ZNF862: variants seen among roughly 807,000 people sequenced by gnomAD.
The protein encoded by ZNF862 is zinc finger protein 862.
Under a neutral mutation model 91.1 loss-of-function variants are expected in ZNF862, and 64 were observed. The ratio of observed to expected loss-of-function variants is 0.70; its 90% CI spans 0.57 to 0.87. The LOEUF is 0.87. ZNF862 is among the 40% of genes least tolerant of loss of function. The pLI, the probability that ZNF862 is intolerant of heterozygous loss-of-function variation, is 0.00. For synonymous variants in ZNF862, 631 were observed against 618.1 expected, an observed-to-expected ratio of 1.02 and a Z score of -0.31; for missense variants, 1,459 against 1,528.0, an observed-to-expected ratio of 0.95 and a Z score of 0.75.
Position 149,848,099 on chromosome 7 carries a change from T to C in ZNF862, c.606T>C (p.Cys202=), listed in dbSNP as rs760907789. The C allele has an allele frequency of 6.2e-7, 1 of 1,614,046 alleles. No homozygotes were observed. ...YHAKSKAHMF[C]VNALAARDPI... is the part of the protein sequence containing the mutation. The stretch of plus-strand genomic sequence containing the variant: ...CGAAGAGCAAGGCCCACATGTTCTG[T>C]GTCAATGCCTTGGCAGCGAGGGACC... The change falls in exon 4 of 8, where the codon TGT becomes TGC. Residue 202 remains cysteine, a synonymous_variant. Coordinates refer to ENST00000223210, the MANE Select transcript of ZNF862 (RefSeq NM_001099220.3).
rs528741542 is a variant in ZNF862, at chr7:149,855,502, G to A, written c.1118-3920G>A. On this transcript the variant is annotated intron_variant, in intron 5 of 7. Coordinates refer to ENST00000223210, the MANE Select transcript of ZNF862 (RefSeq NM_001099220.3). This position sits in a 1 kb window ranked among gnomAD's most constrained non-coding sequence, Gnocchi z 4.1. The stretch of plus-strand genomic sequence containing the variant: ...CAGTGGGAATGGCGTTGGTGGGTGG[G>A]AGAGGTATAAGAAAGGTTTCATTTG... 2.6e-5 allele frequency among the ~76,000 whole-genome samples: 4 copies of A among 152,172 alleles called. No homozygotes were observed. In the South Asian group the frequency reaches 8.3e-4, roughly 32 times the overall value.
At position 149,848,346 on chromosome 7, in the gene ZNF862, T is replaced by C; in HGVS notation, c.853T>C (p.Leu285=). The change falls in exon 4 of 8, where the codon TTG becomes CTG. Residue 285 remains leucine, a synonymous_variant. Coordinates refer to ENST00000223210, the MANE Select transcript of ZNF862 (RefSeq NM_001099220.3). ...AATGTATCTAGACTGCATTTCAGAT[T>C]TGAGGCAAAAAGAAATCACTGATGG... ...PAMYLDCISD[L]RQKEITDGIH... The C allele has an allele frequency of 1.9e-6, 3 of 1,606,424 alleles. No individual in the cohort carries two copies. Among genetic ancestry groups the C allele is most frequent in the East Asian group, 2.2e-5 (1 of 44,728 alleles).
At position 149,865,362 on chromosome 7, in the gene ZNF862, T is replaced by C. The variant is rs1802677388; in HGVS notation, c.*1078T>C. Reference sequence around the variant, plus strand: ...CTCTTCTCTGAGCTGCCCTGGGGACTCTGCACCAGGATCTCCAGGGCCCAC... The same window carrying C: ...CTCTTCTCTGAGCTGCCCTGGGGACCCTGCACCAGGATCTCCAGGGCCCAC... On this transcript the variant is annotated 3_prime_UTR_variant, in exon 8 of 8. Transcript: ENST00000223210. The C allele has an allele frequency of 6.6e-6, 1 of 152,146 alleles. No individual in the cohort carries two copies. The highest frequency in any genetic ancestry group is 2.4e-5 in the African/African-American group (1 of 41,416). The allele number at this position is 152,146 out of a possible 1,614,324, so 9.4% of individuals were successfully genotyped here.
Position 149,864,567 on chromosome 7 carries a change from A to C in ZNF862, c.*283A>C. Reference sequence around the variant, plus strand: ...GCTGCAGAAAATAACCCCATCATGAAAGGTTTCAGCCCCTGAGTTTTGGTG... The same window carrying C: ...GCTGCAGAAAATAACCCCATCATGACAGGTTTCAGCCCCTGAGTTTTGGTG... On this transcript the variant is annotated 3_prime_UTR_variant, in exon 8 of 8. Coordinates refer to ENST00000223210, the MANE Select transcript of ZNF862 (RefSeq NM_001099220.3). 2.8e-6 allele frequency: 1 copy of C among 363,150 alleles called. No homozygotes were observed. Among genetic ancestry groups the C allele is most frequent in the Non-Finnish European group, 5.0e-6 (1 of 198,042 alleles). 22.5% of individuals were successfully genotyped at this position (363,150 alleles called of 1,614,324 possible). A position where few individuals can be genotyped will look rare whatever the true frequency, so the allele number is the denominator to read the frequency against.
chr7:149,848,550 T>C, intron 4 of ZNF862, 118 bp downstream of exon 4: 1 of 834,332 alleles, frequency 1.2e-6, no homozygotes, highest in Non-Finnish European at 1.8e-6. Flanking sequence ...GCTAACATCA[T>C]AATGTTGGCA....
Position 149,864,354 on chromosome 7 carries a change from AG to A in ZNF862, c.*72del, listed in dbSNP as rs911939244. The A allele has an allele frequency of 1.4e-6, 2 of 1,463,784 alleles. No homozygotes were observed. Among genetic ancestry groups the A allele is most frequent in the Non-Finnish European group, 1.8e-6 (2 of 1,092,190 alleles). 90.7% of individuals were successfully genotyped at this position (1,463,784 alleles called of 1,614,324 possible). ...CACTGGGACAGGCTCTGCAGATTCT[AG>A]GCTGCCCTAGGATCTTCTGCTGGTG... On this transcript the variant is annotated 3_prime_UTR_variant, in exon 8 of 8. Transcript: ENST00000223210.
chr7:149,855,994 A>G lies in ZNF862; in HGVS notation c.1118-3428A>G, dbSNP rs577984029. ...CTCCCCACAGTCAGAGAGGCTCACAATATCCTTGACAATGCTTTCCAGAAA... is the reference window on the plus strand; with the variant it reads ...CTCCCCACAGTCAGAGAGGCTCACAGTATCCTTGACAATGCTTTCCAGAAA... On this transcript the variant is annotated intron_variant, in intron 5 of 7. Transcript: ENST00000223210. The surrounding 1 kb of genome is among the most constrained non-coding windows in gnomAD (Gnocchi z 4.1). 6.6e-6 allele frequency: 1 copy of G among 152,538 alleles called. No homozygotes were observed. The highest frequency in any genetic ancestry group is 6.5e-5 in the Admixed American group (1 of 15,300). 9.4% of individuals were successfully genotyped at this position (152,538 alleles called of 1,614,324 possible).
Position 149,864,347 on chromosome 7 carries a change from A to C in ZNF862, c.*63A>C. 1.3e-6 allele frequency: 2 copies of C among 1,495,908 alleles called. No individual in the cohort carries two copies. Among genetic ancestry groups the C allele is most frequent in the South Asian group, 2.6e-5 (2 of 77,516 alleles). 92.7% of individuals were successfully genotyped at this position (1,495,908 alleles called of 1,614,324 possible). A position where few individuals can be genotyped will look rare whatever the true frequency, so the allele number is the denominator to read the frequency against. ...CTGTGATCACTGGGACAGGCTCTGCAGATTCTAGGCTGCCCTAGGATCTTC... is the reference window on the plus strand; with the variant it reads ...CTGTGATCACTGGGACAGGCTCTGCCGATTCTAGGCTGCCCTAGGATCTTC... On this transcript the variant is annotated 3_prime_UTR_variant, in exon 8 of 8. Transcript: ENST00000223210.
intron 5 of ZNF862, chr7:149,859,100 A>G: frequency 2.6e-6 from 1 of 378,164 alleles, no homozygotes; most frequent in East Asian, 6.4e-5. Flanking sequence ...GGCACCTTCC[A>G]CTTCTCATAT....
chr7:149,863,989 TG>T, intron 7 of ZNF862, 119 bp from the exon 8 acceptor site: 2 of 971,716 alleles, frequency 2.1e-6, no homozygotes, highest in Non-Finnish European at 3.0e-6. Context: ...AGAGCAGTCG[TG>T]GTCCTGACTT....
rs1802008834 is a variant in ZNF862 at position 149,850,083 on chromosome 7, C to A, written c.940-78C>A. ...GGTGAGCTTCCCAGGAGAAATAGGG[C>A]TTCCAAAGGCCCCAGAAGTGTCACG... On this transcript the variant is annotated intron_variant, in intron 4 of 7. Transcript: ENST00000223210. This position sits in a 1 kb window ranked among gnomAD's most constrained non-coding sequence, Gnocchi z 4.2. The A allele has an allele frequency of 3.4e-6, 5 of 1,479,024 alleles. No homozygotes were observed. Among genetic ancestry groups the A allele is most frequent in the Non-Finnish European group, 4.6e-6 (5 of 1,084,418 alleles). 91.6% of individuals were successfully genotyped at this position (1,479,024 alleles called of 1,614,324 possible). A position where few individuals can be genotyped will look rare whatever the true frequency, so the allele number is the denominator to read the frequency against.
At chr7:149,846,685 G>T (rs1801884909) in intron 3 of ZNF862, among the ~76,000 whole-genome samples, 1 of 152,156 alleles carries the variant, frequency 6.6e-6, no homozygotes, top group African/African-American at 2.4e-5. Flanking sequence ...CTGTTCAGGG[G>T]TTGGCTTAGC....
intron 7 of ZNF862, 51 bp downstream of exon 7, chr7:149,862,545 G>A (rs1404838741): frequency 2.0e-6 from 3 of 1,515,510 alleles, no homozygotes; most frequent in Non-Finnish European, 2.6e-6. Context: ...CTGAGCCAGA[G>A]GCCAATAAGA....
rs760820040 is a variant in ZNF862, at chr7:149,866,516, C to T, written c.*2232C>T. 3.3e-5 allele frequency: 5 copies of T among 152,116 alleles called. No individual in the cohort carries two copies. The highest frequency in any genetic ancestry group is 2.0e-4 in the Admixed American group (3 of 15,270). 9.4% of individuals were successfully genotyped at this position (152,116 alleles called of 1,614,324 possible). On this transcript the variant is annotated 3_prime_UTR_variant, in exon 8 of 8. Transcript: ENST00000223210. ...AGCAGGAGGCCATCCTGTGAGCAGC[C>T]GTGAGTGGGTCTCTGTGGGAGTAGT...
In ZNF862 at chr7:149,855,477, CAG is replaced by C. The variant is rs1802229520; in HGVS notation, c.1118-3944_1118-3943del. Among the ~76,000 whole-genome samples the C allele has an allele frequency of 1.3e-5, 2 of 152,174 alleles. No individual in the cohort carries two copies. On this transcript the variant is annotated intron_variant, in intron 5 of 7. Transcript: ENST00000223210. This position sits in a 1 kb window ranked among gnomAD's most constrained non-coding sequence, Gnocchi z 4.1. Reference sequence around the variant, plus strand: ...GGTTTCAGAATTTCTGACTCATCCTCAGTGGGAATGGCGTTGGTGGGTGGGAG... The same window carrying C: ...GGTTTCAGAATTTCTGACTCATCCTCTGGGAATGGCGTTGGTGGGTGGGAG...
rs369621021 is a variant in ZNF862, at chr7:149,861,174, G to C, written c.2014G>C (p.Glu672Gln). 3.1e-6 allele frequency: 5 copies of C among 1,612,790 alleles called. No individual in the cohort carries two copies. Among genetic ancestry groups the C allele is most frequent in the Non-Finnish European group, 4.2e-6 (5 of 1,179,810 alleles). ...LYSETADGYF[E>Q]TIVSALDELD... ...CAGTGAGACAGCAGATGGGTACTTC[G>C]AGACCATCGTTTCTGCCCTGGATGA... is the stretch of plus-strand genomic sequence containing the variant. The change falls in exon 7 of 8, where the codon GAG (glutamate) becomes CAG (glutamine). Residue 672 changes from glutamate (E) to glutamine (Q), a missense_variant. Transcript: ENST00000223210. The surrounding 1 kb of genome is among the most constrained non-coding windows in gnomAD (Gnocchi z 6.7).
At chr7:149,843,883 G>A (rs1801785667) in intron 1 of ZNF862, among the ~76,000 whole-genome samples, 1 of 152,180 alleles carries the variant, frequency 6.6e-6, no homozygotes, top group Admixed American at 6.5e-5. Context: ...TCTCCGCTTT[G>A]CCCGCTGCCG....
At chr7:149,854,258 G>C (rs571223044) in intron 5 of ZNF862, among the ~76,000 whole-genome samples, 1 of 152,068 alleles carries the variant, frequency 6.6e-6, no homozygotes, top group Admixed American at 6.6e-5. Context: ...ATTTCAGTGA[G>C]TGCAATGCCT....
At chr7:149,840,402 A>G in intron 1 of ZNF862, among the ~76,000 whole-genome samples, 1 of 152,170 alleles carries the variant, frequency 6.6e-6, no homozygotes, top group South Asian at 2.1e-4. Flanking sequence ...AAGTTTATAA[A>G]GTAAAACAGT....
Sources: gnomAD v4.1 joint callset for allele counts (sites outside exome capture counted in the v4.1 genomes callset) on GRCh38, gnomAD v4.1.1 for gene constraint, Gnocchi (gnomAD v3.1) non-coding constraint, MANE v1.5 for transcripts, NCBI Gene and HGNC (gene_info 2026-07-23, HGNC 2026-07-21) for gene names.